FOXP1: variants seen among roughly 807,000 people sequenced by gnomAD.
FOXP1 encodes the protein forkhead box protein P1.
In FOXP1, 15 loss-of-function variants were observed where a neutral mutation model predicts 98.2. That is an observed-to-expected ratio of 0.15 (90% CI 0.10 to 0.24). The LOEUF (loss-of-function observed/expected upper bound fraction) is 0.24. Ranked by LOEUF, FOXP1 falls within the 10% of genes least tolerant of loss-of-function variation. The pLI is 1.00. For missense variants in FOXP1, 633 were observed against 848.5 expected, an observed-to-expected ratio of 0.75 and a Z score of 3.15; for synonymous variants, 371 against 314.5, an observed-to-expected ratio of 1.18 and a Z score of -1.90.
chr3:71,014,117 G>C (rs147870124), intron 12 of FOXP1, among the ~76,000 whole-genome samples: 2,529 of 152,150 alleles, frequency 0.017, 81 homozygotes, highest in African/African-American at 0.058. Context: ...GACTAAAACA[G>C]CAAAAGCAAT....
chr3:71,376,757 C>G (rs1250550097), intron 3 of FOXP1, among the ~76,000 whole-genome samples: 1 of 152,150 alleles, frequency 6.6e-6, no homozygotes, highest in African/African-American at 2.4e-5. Context: ...ACACCATGGT[C>G]CCCTTTCATC....
intron 3 of FOXP1, among the ~76,000 whole-genome samples, chr3:71,489,307 T>C (rs977842442): frequency 1.3e-5 from 2 of 152,034 alleles, no homozygotes; most frequent in Non-Finnish European, 2.9e-5. Context: ...GCTGGGCAAA[T>C]AAGGGAAAAC....
intron 7 of FOXP1, among the ~76,000 whole-genome samples, chr3:71,102,341 C>T (rs549454452): frequency 1.4e-3 from 220 of 152,264 alleles, no homozygotes; most frequent in South Asian, 5.2e-3. Context: ...AATAAAAGTT[C>T]CCGATCTTTT....
chr3:71,421,160 G>A (rs994791243), intron 3 of FOXP1, among the ~76,000 whole-genome samples: 4 of 152,174 alleles, frequency 2.6e-5, no homozygotes, highest in Non-Finnish European at 5.9e-5. Flanking sequence ...AGAGTTAGGT[G>A]TTTCCTGAAG....
chr3:71,161,758 G>A (rs2061148358), intron 6 of FOXP1, among the ~76,000 whole-genome samples: 1 of 152,170 alleles, frequency 6.6e-6, no homozygotes, highest in South Asian at 2.1e-4. Flanking sequence ...TGATGAGTGG[G>A]ATGAACAAAA....
intron 2 of FOXP1, chr3:71,541,910 C>A: frequency 2.0e-6 from 1 of 498,462 alleles, no homozygotes; most frequent in African/African-American, 2.0e-5. Context: ...AAAGTCAACA[C>A]TCGAGGTTTG....
intron 3 of FOXP1, among the ~76,000 whole-genome samples, chr3:71,472,320 G>A (rs1403558516): frequency 1.3e-5 from 2 of 152,056 alleles, no homozygotes; most frequent in African/African-American, 4.8e-5. Context: ...GTACAGAACT[G>A]TTCATACCCA....
At position 71,232,752 on chromosome 3, in the gene FOXP1, T is replaced by G. The variant is rs187190007; in HGVS notation, c.-11-34360A>C. Among the ~76,000 whole-genome samples the G allele has an allele frequency of 2.0e-3, 294 of 150,538 alleles. 4 individuals carry two copies. Among genetic ancestry groups the G allele is most frequent in the African/African-American group, 6.6e-3 (269 of 41,030 alleles). ...TGTGTCTACCAAAAATACAAAAAAT[T>G]TAGCCAATTGCAGTGATGCACACTT... On this transcript the variant is annotated intron_variant, in intron 5 of 20. Coordinates refer to ENST00000649528, the MANE Select transcript of FOXP1 (RefSeq NM_001349338.3).
chr3:71,057,503 A>G (rs1379604207), intron 7 of FOXP1, among the ~76,000 whole-genome samples: 2 of 150,994 alleles, frequency 1.3e-5, no homozygotes, highest in Admixed American at 6.6e-5. Flanking sequence ...TACTGTAACT[A>G]CCTTAACTGT....
In FOXP1 at chr3:71,241,681, G is replaced by A. The variant is rs542888592; in HGVS notation, c.-11-43289C>T. 1.2e-4 allele frequency among the ~76,000 whole-genome samples: 18 copies of A among 152,292 alleles called. 1 individual carries two copies. Among genetic ancestry groups the A allele is most frequent in the Admixed American group, 1.0e-3 (16 of 15,298 alleles). On this transcript the variant is annotated intron_variant, in intron 5 of 20. Transcript: ENST00000649528. ...TTAAAGCTGAAGCAGTCGAAGAAAGGGCTTAATTTACTGGCATGTACAGTA... is the reference window on the plus strand; with the variant it reads ...TTAAAGCTGAAGCAGTCGAAGAAAGAGCTTAATTTACTGGCATGTACAGTA...
At chr3:71,023,086 C>A (rs1304509643) in intron 11 of FOXP1, among the ~76,000 whole-genome samples, 1 of 152,142 alleles carries the variant, frequency 6.6e-6, no homozygotes, top group Non-Finnish European at 1.5e-5. Context: ...CCCTCCCTTC[C>A]CCCACTGGCC....
intron 2 of FOXP1, among the ~76,000 whole-genome samples, chr3:71,549,975 A>ATT (rs1233581193): frequency 6.6e-6 from 1 of 151,848 alleles, no homozygotes; most frequent in Non-Finnish European, 1.5e-5. Context: ...ATGTCAAAAA[A>ATT]TTTTTTTTCA....
At position 70,958,737 on chromosome 3, in the gene FOXP1, CAAAAAAAAAAAAAAAA is replaced by C. The variant is rs10633687; in HGVS notation, c.*494_*509del. 14 of 24,018 alleles carry C rather than the reference CAAAAAAAAAAAAAAAA, an allele frequency of 5.8e-4. No individual in the cohort carries two copies. The East Asian group carries it at 8.1e-3, about 14-fold the overall frequency. 1.5% of individuals were successfully genotyped at this position (24,018 alleles called of 1,614,324 possible). ...AGGCCTTCCCCATCCCAACTGGAAG[CAAAAAAAAAAAAAAAA>C]AAAAAAAAAAAAAAGGAGTAAAGGC... On this transcript the variant is annotated 3_prime_UTR_variant, in exon 21 of 21. Transcript: ENST00000649528.
chr3:71,198,369 A>G lies in FOXP1; in HGVS notation c.13T>C (p.Ser5Pro), dbSNP rs762898505. Reference sequence around the variant, plus strand: ...CCGTTACTTTTTGTCTCAGTCCCAGATTCTTGCATCATGACTCAAAAACCT... The same window carrying G: ...CCGTTACTTTTTGTCTCAGTCCCAGGTTCTTGCATCATGACTCAAAAACCT... MMQE[S>P]GTETKSNGSA... The change falls in exon 6 of 21, where the codon TCT becomes CCT. Residue 5 changes from serine (S) to proline (P), a missense_variant. Ser to Pro is a moderately conservative substitution (Grantham distance 74). This residue lies in a region of FOXP1 where 103 missense variants were observed against 85.5 expected (regional missense o/e 1.20). Transcript: ENST00000649528. 7.8e-5 allele frequency: 109 copies of G among 1,389,720 alleles called. No individual in the cohort carries two copies. The highest frequency in any genetic ancestry group is 4.0e-4 in the Middle Eastern group (2 of 4,950). The allele number at this position is 1,389,720 out of a possible 1,614,324, so 86.1% of individuals were successfully genotyped here.
chr3:71,043,901 G>C (rs2048678776), intron 10 of FOXP1, among the ~76,000 whole-genome samples: 1 of 150,832 alleles, frequency 6.6e-6, no homozygotes, highest in Admixed American at 6.6e-5. Flanking sequence ...TATTCCAATG[G>C]GCTGGCAATC....
intron 13 of FOXP1, among the ~76,000 whole-genome samples, chr3:70,999,838 T>C (rs1380519866): frequency 6.6e-6 from 1 of 152,240 alleles, no homozygotes; most frequent in East Asian, 1.9e-4. Flanking sequence ...GCTCTCCATA[T>C]ATCTCAGCAT....
At chr3:71,264,602 C>T (rs1310408820) in intron 5 of FOXP1, among the ~76,000 whole-genome samples, 1 of 152,164 alleles carries the variant, frequency 6.6e-6, no homozygotes, top group Non-Finnish European at 1.5e-5. Flanking sequence ...ATCCTATCCT[C>T]CCTGGCTGGT....
chr3:71,429,498 G>A (rs1324355858), intron 3 of FOXP1, among the ~76,000 whole-genome samples: 3 of 135,344 alleles, frequency 2.2e-5, no homozygotes, highest in South Asian at 2.8e-4. Context: ...GGGCGGGAGG[G>A]GGGGTACTGA....
intron 3 of FOXP1, among the ~76,000 whole-genome samples, chr3:71,438,010 G>A (rs1469006266): frequency 6.6e-6 from 1 of 152,190 alleles, no homozygotes; most frequent in Non-Finnish European, 1.5e-5. Context: ...CTTATTTCCA[G>A]AAGAAATGTA....
Sources: gnomAD v4.1 joint callset for allele counts (sites outside exome capture counted in the v4.1 genomes callset) on GRCh38, gnomAD v4.1.1 for gene constraint, gnomAD v4.1.1 regional missense constraint, MANE v1.5 for transcripts, NCBI Gene and HGNC (gene_info 2026-07-23, HGNC 2026-07-21) for gene names.